The following RBFOX1 variants were observed in gnomAD, a reference collection of about 807,000 sequenced individuals.
RBFOX1 encodes the protein RNA binding protein fox-1 homolog 1.
In RBFOX1, 8 loss-of-function variants were observed where a neutral mutation model predicts 57.7. The observed-to-expected ratio is 0.14, with a 90% confidence interval of 0.08 to 0.25. RBFOX1 has a LOEUF of 0.25. Among genes scored for constraint, RBFOX1 ranks in the 10% least tolerant of loss-of-function variants. RBFOX1 has a pLI of 1.00. For synonymous variants in RBFOX1, 326 were observed against 222.4 expected, an observed-to-expected ratio of 1.47 and a Z score of -4.15; for missense variants, 611 against 548.5, an observed-to-expected ratio of 1.11 and a Z score of -1.14.
At chr16:7,665,261 CAAAG>C (rs1048904393) in intron 13 of RBFOX1, among the ~76,000 whole-genome samples, 1 of 152,178 alleles carries the variant, frequency 6.6e-6, no homozygotes, top group African/African-American at 2.4e-5. Context: ...ACTTCACCCA[CAAAG>C]AAATTGTCTC....
chr16:6,930,106 G>A (rs1231622131), intron 3 of RBFOX1, among the ~76,000 whole-genome samples: 1 of 152,176 alleles, frequency 6.6e-6, no homozygotes, highest in Non-Finnish European at 1.5e-5. Context: ...GCTCTTGAAT[G>A]TTGAGAAGCT....
intron 4 of RBFOX1, among the ~76,000 whole-genome samples, chr16:7,124,561 C>CCCTT (rs1202629320): frequency 3.1e-4 from 40 of 129,218 alleles, no homozygotes; most frequent in Non-Finnish European, 4.2e-4. Flanking sequence ...CTCCCTCCCT[C>CCCTT]CCTTCCTTCC....
rs183173832 is a variant in RBFOX1, at chr16:7,338,152, A to G, written c.28-179995A>G. On this transcript the variant is annotated intron_variant, in intron 4 of 15. Coordinates refer to ENST00000550418, the MANE Select transcript of RBFOX1 (RefSeq NM_018723.4). ...TGTTTGCTGCACCTATTAACCCATC[A>G]CCGATGTATTTAGCCCAGGGTGCAT... Among the ~76,000 whole-genome samples the G allele has an allele frequency of 3.9e-3, 594 of 152,230 alleles. 1 individual carries two copies. Among genetic ancestry groups the G allele is most frequent in the African/African-American group, 0.014 (573 of 41,532 alleles).
chr16:5,441,511 T>C (rs1341357367), intron 1 of RBFOX1, among the ~76,000 whole-genome samples: 3 of 151,972 alleles, frequency 2.0e-5, no homozygotes, highest in African/African-American at 7.3e-5. Flanking sequence ...GTTACAGGCA[T>C]GTGCCACCAT....
In RBFOX1 at chr16:6,452,637, G is replaced by T. The variant is rs1240188484; in HGVS notation, c.-64+135580G>T. ...CAAATAGCATCAATGAGAAAAATGGGCCCAGTTTAAGACAATAGGGATTGA... is the reference window on the plus strand; with the variant it reads ...CAAATAGCATCAATGAGAAAAATGGTCCCAGTTTAAGACAATAGGGATTGA... On this transcript the variant is annotated intron_variant, in intron 2 of 15. Transcript: ENST00000550418. Among the ~76,000 whole-genome samples, 8 of 152,186 alleles carry T rather than the reference G, an allele frequency of 5.3e-5. No individual in the cohort carries two copies. In the East Asian group the frequency reaches 1.5e-3, roughly 29 times the overall value.
intron 3 of RBFOX1, among the ~76,000 whole-genome samples, chr16:6,976,281 C>G (rs975851648): frequency 2.0e-5 from 3 of 152,104 alleles, no homozygotes; most frequent in Admixed American, 2.0e-4. Context: ...GTACTGAGAA[C>G]AAGAATTTGA....
chr16:7,199,019 C>T (rs1043370609), intron 4 of RBFOX1, among the ~76,000 whole-genome samples: 1 of 152,116 alleles, frequency 6.6e-6, no homozygotes, highest in African/African-American at 2.4e-5. Flanking sequence ...GCTCCAAGCA[C>T]CAGGACTGAG....
intron 3 of RBFOX1, among the ~76,000 whole-genome samples, chr16:6,966,269 C>T (rs2084130028): frequency 6.6e-6 from 1 of 152,104 alleles, no homozygotes; most frequent in African/African-American, 2.4e-5. Flanking sequence ...AATGAGCCTC[C>T]CGTTGACTGG....
chr16:5,683,867 T>C (rs1223127490), intron 3 of RBFOX1, among the ~76,000 whole-genome samples: 1 of 150,890 alleles, frequency 6.6e-6, no homozygotes, highest in Admixed American at 6.6e-5. Context: ...CAGATACCTA[T>C]ATGTATGTAA....
chr16:7,660,075 A>G lies in RBFOX1; in HGVS notation c.891-4854A>G, dbSNP rs111486987. On this transcript the variant is annotated intron_variant, in intron 12 of 15. Coordinates refer to ENST00000550418, the MANE Select transcript of RBFOX1 (RefSeq NM_018723.4). ...AGAACAATTGTAAACAGCCTTTTCT[A>G]TAAGAATATACTTGTGGCTGGTATA... is the stretch of plus-strand genomic sequence containing the variant. 5.4e-3 allele frequency among the ~76,000 whole-genome samples: 822 copies of G among 152,326 alleles called. 8 individuals carry two copies. The highest frequency in any genetic ancestry group is 0.019 in the African/African-American group (794 of 41,576).
intron 4 of RBFOX1, among the ~76,000 whole-genome samples, chr16:6,001,433 A>C (rs934201152): frequency 4.6e-5 from 7 of 152,224 alleles, no homozygotes; most frequent in African/African-American, 1.7e-4. Context: ...CATGGGCCAC[A>C]CATACTGTGA....
chr16:7,324,133 C>A (rs542271732), intron 4 of RBFOX1, among the ~76,000 whole-genome samples: 1 of 152,280 alleles, frequency 6.6e-6, no homozygotes, highest in South Asian at 2.1e-4. Context: ...ATTTCTCCAA[C>A]TCATTTGTCC....
At chr16:6,327,552 C>A (rs976447488) in intron 2 of RBFOX1, among the ~76,000 whole-genome samples, 1 of 151,906 alleles carries the variant, frequency 6.6e-6, no homozygotes, top group South Asian at 2.1e-4. Context: ...TGTTTATTTG[C>A]CCATAATGAG....
intron 2 of RBFOX1, among the ~76,000 whole-genome samples, chr16:6,637,421 A>ACAAATATGTATTATATAT (rs1263831992): frequency 8.6e-5 from 1 of 11,602 alleles, no homozygotes; most frequent in African/African-American, 1.2e-4. Context: ...TATATAATAT[A>ACAAATATGTATTATATAT]TAAATATATT....
chr16:6,387,468 T>C (rs1237612021), intron 2 of RBFOX1, among the ~76,000 whole-genome samples: 2 of 107,004 alleles, frequency 1.9e-5, no homozygotes, highest in African/African-American at 3.3e-5. Context: ...AGGACTTGAT[T>C]AGGAAAAAAA....
At chr16:6,624,465 C>G (rs532094055) in intron 2 of RBFOX1, among the ~76,000 whole-genome samples, 47 of 152,128 alleles carry the variant, frequency 3.1e-4, no homozygotes, top group Non-Finnish European at 5.7e-4. Flanking sequence ...CACAGCCCTT[C>G]TGAATTTCTC....
chr16:6,619,187 C>T (rs1303624669), intron 2 of RBFOX1, among the ~76,000 whole-genome samples: 1 of 152,028 alleles, frequency 6.6e-6, no homozygotes, highest in African/African-American at 2.4e-5. Flanking sequence ...AAAACAACTT[C>T]TGATGTCTCA....
chr16:6,226,066 T>C (rs534740387), intron 1 of RBFOX1, among the ~76,000 whole-genome samples: 29 of 151,974 alleles, frequency 1.9e-4, no homozygotes, highest in Non-Finnish European at 3.8e-4. Context: ...TTGTGTAAAT[T>C]AGTATTTCCC....
At chr16:7,683,113 C>T (rs554070257) in intron 14 of RBFOX1, among the ~76,000 whole-genome samples, 1 of 139,190 alleles carries the variant, frequency 7.2e-6, no homozygotes, top group Non-Finnish European at 1.5e-5. Flanking sequence ...CTATTTCCTC[C>T]TGATCTGCTC....
Sources: allele counts gnomAD v4.1 joint callset (sites outside exome capture counted in the v4.1 genomes callset), GRCh38; gene constraint gnomAD v4.1.1; transcripts MANE v1.5; gene names NCBI Gene and HGNC (gene_info 2026-07-23, HGNC 2026-07-21).